PTPN13: variants seen among roughly 807,000 people sequenced by gnomAD.
PTPN13 encodes tyrosine-protein phosphatase non-receptor type 13.
PTPN13 carries 191 observed loss-of-function variants against 284.0 expected under a neutral mutation model. The observed-to-expected ratio is 0.67, with a 90% CI of 0.60 to 0.76. The LOEUF is 0.76. Among genes scored for constraint, PTPN13 ranks in the 30% least tolerant of loss-of-function variants. PTPN13 has a pLI of 0.00. For synonymous variants in PTPN13, 986 were observed against 1,022.3 expected, an observed-to-expected ratio of 0.96 and a Z score of 0.68; for missense variants, 2,797 against 2,939.9, an observed-to-expected ratio of 0.95 and a Z score of 1.12.
At chr4:86,665,927 G>A (rs1727015529) in intron 2 of PTPN13, among the ~76,000 whole-genome samples, 1 of 152,150 alleles carries the variant, frequency 6.6e-6, no homozygotes, top group African/African-American at 2.4e-5. Flanking sequence ...AGGTTTATTA[G>A]ATAATAATAG....
At chr4:86,686,947 G>A (rs1278387867) in intron 4 of PTPN13, among the ~76,000 whole-genome samples, 172 bp downstream of exon 4, 1 of 152,200 alleles carries the variant, frequency 6.6e-6, no homozygotes. Flanking sequence ...TGAACTTTCA[G>A]TAAAGTACTA....
chr4:86,675,787 CT>C (rs1369289693), intron 3 of PTPN13, among the ~76,000 whole-genome samples: 1 of 152,138 alleles, frequency 6.6e-6, no homozygotes, highest in Non-Finnish European at 1.5e-5. Flanking sequence ...TAATTTTCTA[CT>C]TCCTGCTTGC....
chr4:86,690,643 T>A (rs1396713432), intron 5 of PTPN13, among the ~76,000 whole-genome samples: 1 of 152,154 alleles, frequency 6.6e-6, no homozygotes, highest in Admixed American at 6.5e-5. Flanking sequence ...AGGGACTTTT[T>A]TATTACACCA....
chr4:86,665,676 G>T (rs542083159), intron 2 of PTPN13, among the ~76,000 whole-genome samples: 1 of 152,228 alleles, frequency 6.6e-6, no homozygotes, highest in Non-Finnish European at 1.5e-5. Flanking sequence ...AGGATACTTT[G>T]TACCTTAAAT....
At chr4:86,703,040 G>A (rs1309788256) in intron 7 of PTPN13, among the ~76,000 whole-genome samples, 2 of 152,036 alleles carry the variant, frequency 1.3e-5, no homozygotes, top group Non-Finnish European at 2.9e-5. Context: ...GCTGTACTTT[G>A]AGTAAAAGAA....
intron 7 of PTPN13, among the ~76,000 whole-genome samples, chr4:86,710,948 A>T (rs1732326625): frequency 3.3e-5 from 5 of 151,438 alleles, no homozygotes; most frequent in Admixed American, 3.3e-4. Context: ...TTTTTGAGAG[A>T]GGGTCTCGCT....
chr4:86,707,642 AT>A (rs1337018821), intron 7 of PTPN13, among the ~76,000 whole-genome samples: 2 of 151,448 alleles, frequency 1.3e-5, no homozygotes. Context: ...AGATATATAT[AT>A]TTTTTCAAAA....
At chr4:86,731,774 G>A (rs1395891828) in intron 10 of PTPN13, among the ~76,000 whole-genome samples, 2 of 152,110 alleles carry the variant, frequency 1.3e-5, no homozygotes, top group African/African-American at 2.4e-5. Flanking sequence ...CCTCTAAGCA[G>A]CTGAACTACA....
intron 23 of PTPN13, among the ~76,000 whole-genome samples, chr4:86,760,905 A>G (rs1350789847): frequency 1.3e-5 from 2 of 151,982 alleles, no homozygotes; most frequent in Admixed American, 6.6e-5. Context: ...TGTGTATTCT[A>G]GCTACCCCTG....
At chr4:86,800,428 G>A (rs1433361401) in intron 42 of PTPN13, among the ~76,000 whole-genome samples, 1 of 151,948 alleles carries the variant, frequency 6.6e-6, no homozygotes, top group South Asian at 2.1e-4. Context: ...GCCAAAGCAG[G>A]CTGATCACCT....
chr4:86,686,797 G>A, intron 4 of PTPN13, 22 bp downstream of exon 4: 1 of 1,502,790 alleles, frequency 6.7e-7, no homozygotes. Context: ...TTTTACAGTT[G>A]TTATACTTTT....
chr4:86,683,964 AGAG>A (rs1729172518), intron 3 of PTPN13, among the ~76,000 whole-genome samples: 1 of 152,308 alleles, frequency 6.6e-6, no homozygotes, highest in East Asian at 1.9e-4. Context: ...AGAAGCTTAA[AGAG>A]AAATATGATA....
chr4:86,764,689 G>A lies in PTPN13; in HGVS notation c.4114G>A (p.Ala1372Thr). Residue 1372 changes from alanine to threonine, a missense_variant, in exon 25 of 48, where the codon GCT (alanine) becomes ACT (threonine). Ala to Thr is a moderately conservative substitution (Grantham distance 58). Transcript: ENST00000411767. Reference sequence around the variant, plus strand: ...TGGAGATATCTTTGAGGTTGAACTGGCTAAAAATGATAACAGCTTGGGGAT... The same window carrying A: ...TGGAGATATCTTTGAGGTTGAACTGACTAAAAATGATAACAGCTTGGGGAT... ...KPGDIFEVEL[A>T]KNDNSLGISV... 1 of 1,606,036 alleles carries A rather than the reference G, an allele frequency of 6.2e-7. No individual in the cohort carries two copies.
rs746129391 is a variant in PTPN13, at chr4:86,807,697, C to A, written c.6883C>A (p.Gln2295Lys). Residue 2295 changes from glutamine to lysine, a missense_variant, in exon 45 of 48, where the codon CAG (glutamine) becomes AAG (lysine). Coordinates refer to ENST00000411767, the MANE Select transcript of PTPN13 (RefSeq NM_080683.3). ...PLPTTVGDFW[Q>K]MIWEQKSTVI... ...GCCTACAACTGTTGGAGACTTCTGG[C>A]AGATGATTTGGGAGCAAAAATCCAC... 12 of 1,613,946 alleles carry A rather than the reference C, an allele frequency of 7.4e-6. No individual in the cohort carries two copies. The highest frequency in any genetic ancestry group is 9.3e-6 in the Non-Finnish European group (11 of 1,179,880).
chr4:86,702,100 CTACTTCTTTTTGCTTAAA>C (rs1385271474), intron 7 of PTPN13, among the ~76,000 whole-genome samples: 1 of 152,120 alleles, frequency 6.6e-6, no homozygotes, highest in Non-Finnish European at 1.5e-5. Flanking sequence ...GGCATATTTT[CTACTTCTTTTTGCTTAAA>C]TTCTCCACCA....
chr4:86,714,929 G>A (rs1732846743), intron 7 of PTPN13, among the ~76,000 whole-genome samples: 1 of 152,144 alleles, frequency 6.6e-6, no homozygotes, highest in South Asian at 2.1e-4. Flanking sequence ...CAACGTGAAA[G>A]TAAGAGGAGC....
intron 1 of PTPN13, among the ~76,000 whole-genome samples, chr4:86,613,478 C>T (rs557761313): frequency 1.6e-4 from 24 of 151,980 alleles, no homozygotes; most frequent in Admixed American, 3.3e-4. Context: ...ACTAAAAATA[C>T]GAAAAGTTAG....
intron 1 of PTPN13, among the ~76,000 whole-genome samples, chr4:86,607,198 T>C (rs1764845806): frequency 6.6e-6 from 1 of 151,930 alleles, no homozygotes; most frequent in Non-Finnish European, 1.5e-5. Context: ...TAATGAGGGA[T>C]ATCATAAAGA....
chr4:86,734,165 G>A (rs944366778), intron 12 of PTPN13, 138 bp from the exon 13 acceptor site: 1 of 688,126 alleles, frequency 1.5e-6, no homozygotes, highest in Non-Finnish European at 2.3e-6. Flanking sequence ...AGAGCTCCCT[G>A]CCACATTTTT....
Sources: allele counts gnomAD v4.1 joint callset (sites outside exome capture counted in the v4.1 genomes callset), GRCh38; gene constraint gnomAD v4.1.1; transcripts MANE v1.5; gene names NCBI Gene and HGNC (gene_info 2026-07-23, HGNC 2026-07-21).